TTBK2: variants seen among roughly 807,000 people sequenced by gnomAD.
The protein encoded by TTBK2 is tau-tubulin kinase 2.
In TTBK2, 28 loss-of-function variants were observed where a neutral mutation model predicts 110.8. The ratio of observed to expected loss-of-function variants is 0.25; its 90% CI spans 0.19 to 0.35. TTBK2 has a LOEUF of 0.35. Ranked by LOEUF, TTBK2 falls within the 10% of genes least tolerant of loss-of-function variation. The pLI, the probability that TTBK2 is intolerant of heterozygous loss-of-function variation, is 1.00. For missense variants in TTBK2, 1,369 were observed against 1,500.3 expected, an observed-to-expected ratio of 0.91 and a Z score of 1.45; for synonymous variants, 532 against 527.3, an observed-to-expected ratio of 1.01 and a Z score of -0.12.
rs768218388 is a variant in TTBK2 at position 42,745,800 on chromosome 15, T to G, written c.3730A>C (p.Arg1244=). Residue 1244 remains arginine (R), a synonymous_variant, in exon 15 of 15, where the codon AGA becomes CGA. Coordinates refer to ENST00000267890, the MANE Select transcript of TTBK2 (RefSeq NM_173500.4). ...AAAGAGATGCAGCCTGGCTCCTATC[T>G]GCTGAGTTTACTGGCTGGCTTACTC... ...GKSKPASKLS[R] 5 of 1,614,118 alleles carry G rather than the reference T, an allele frequency of 3.1e-6. No individual in the cohort carries two copies. The South Asian group carries it at 5.5e-5, about 18-fold the overall frequency.
intron 9 of TTBK2, chr15:42,800,206 C>T (rs1331787474): frequency 2.4e-6 from 1 of 409,288 alleles, no homozygotes; most frequent in East Asian, 7.7e-5. Context: ...TTATAATGAC[C>T]ACATATTACT....
chr15:42,811,676 T>A lies in TTBK2; in HGVS notation c.696+12A>T. 1 of 1,611,060 alleles carries A rather than the reference T, an allele frequency of 6.2e-7. No individual in the cohort carries two copies. Among genetic ancestry groups the A allele is most frequent in the Non-Finnish European group, 8.5e-7 (1 of 1,177,596 alleles). ...CTTCTACCACAATTGACATCTCCAT[T>A]CCCAAAATTACCTTGTCCTTTATTT... On this transcript the variant is annotated intron_variant, in intron 8 of 14. Coordinates refer to ENST00000267890, the MANE Select transcript of TTBK2 (RefSeq NM_173500.4).
At chr15:42,887,619 T>G (rs1246314186) in intron 1 of TTBK2, among the ~76,000 whole-genome samples, 1 of 152,174 alleles carries the variant, frequency 6.6e-6, no homozygotes, top group Non-Finnish European at 1.5e-5. Flanking sequence ...GATCTGCGCC[T>G]TATCAACCAA....
intron 6 of TTBK2, among the ~76,000 whole-genome samples, chr15:42,819,300 C>T (rs1892187390): frequency 6.7e-6 from 1 of 150,270 alleles, no homozygotes; most frequent in Non-Finnish European, 1.5e-5. Context: ...AACCCCATCT[C>T]TACTAAAAAT....
intron 3 of TTBK2, among the ~76,000 whole-genome samples, chr15:42,850,924 C>T (rs188701692): frequency 6.6e-6 from 1 of 151,794 alleles, no homozygotes; most frequent in Admixed American, 6.6e-5. Context: ...AGGCTGTAAG[C>T]CTTAAGAAAC....
rs79135609 is a variant in TTBK2 at position 42,756,920 on chromosome 15, T to C, written c.1999-3673A>G. ...AACACCAAAGCAACAACAATAAAAA[T>C]ATATATGAATCACCAGATGGGAGAA... On this transcript the variant is annotated intron_variant, in intron 13 of 14. Transcript: ENST00000267890. Among the ~76,000 whole-genome samples the C allele has an allele frequency of 9.1e-3, 1,374 of 151,654 alleles. 18 individuals are homozygous for C. The highest frequency in any genetic ancestry group is 0.032 in the African/African-American group (1,324 of 41,164).
Position 42,752,846 on chromosome 15 carries a change from A to C in TTBK2, c.2400T>G (p.Ile800Met). Residue 800 changes from isoleucine to methionine, a missense_variant, in exon 14 of 15, where the codon ATT becomes ATG. Transcript: ENST00000267890. ...DEKLSRGQHC[I>M]EISSLPGDLV... ...AATCTCCTGGGAGAGAGGAGATCTCAATACAATGCTGCCCTCTACTTAACT... is the reference window on the plus strand; with the variant it reads ...AATCTCCTGGGAGAGAGGAGATCTCCATACAATGCTGCCCTCTACTTAACT... 2 of 1,614,220 alleles carry C rather than the reference A, an allele frequency of 1.2e-6. No homozygotes were observed. Among genetic ancestry groups the C allele is most frequent in the South Asian group, 2.2e-5 (2 of 91,086 alleles).
chr15:42,762,340 C>T (rs376849261), intron 13 of TTBK2, among the ~76,000 whole-genome samples: 1 of 152,216 alleles, frequency 6.6e-6, no homozygotes, highest in Non-Finnish European at 1.5e-5. Context: ...TATCTGCACA[C>T]TCACGTTTAC....
intron 13 of TTBK2, among the ~76,000 whole-genome samples, chr15:42,755,920 G>A (rs1225723755): frequency 6.6e-6 from 1 of 152,198 alleles, no homozygotes; most frequent in Non-Finnish European, 1.5e-5. Context: ...ATCGGGCCAG[G>A]TGTGGTGGCT....
intron 1 of TTBK2, among the ~76,000 whole-genome samples, chr15:42,918,762 T>C (rs570052734): frequency 1.3e-5 from 2 of 152,326 alleles, no homozygotes; most frequent in African/African-American, 4.8e-5. Flanking sequence ...GTCTAACCTC[T>C]TGAAGATTTC....
intron 13 of TTBK2, among the ~76,000 whole-genome samples, chr15:42,768,750 A>G (rs1409551118): frequency 6.6e-6 from 1 of 151,952 alleles, no homozygotes; most frequent in East Asian, 1.9e-4. Flanking sequence ...ACAGAATTGG[A>G]AAAAAACTAC....
intron 1 of TTBK2, among the ~76,000 whole-genome samples, chr15:42,906,924 C>A (rs1490518426): frequency 2.0e-5 from 3 of 151,730 alleles, no homozygotes; most frequent in Non-Finnish European, 4.4e-5. Flanking sequence ...GTGGCTCATG[C>A]CTATAATCTC....
rs555700347 is a variant in TTBK2, at chr15:42,741,683, T to C, written c.*4112A>G. On this transcript the variant is annotated 3_prime_UTR_variant, in exon 15 of 15. Transcript: ENST00000267890. ...TAACATATGCCATGTTTGATCAATATAAAGAATAAGTTTTTAAAATATAAA... is the reference window on the plus strand; with the variant it reads ...TAACATATGCCATGTTTGATCAATACAAAGAATAAGTTTTTAAAATATAAA... 1 of 152,312 alleles carries C rather than the reference T, an allele frequency of 6.6e-6. No homozygotes were observed. The highest frequency in any genetic ancestry group is 1.5e-5 in the Non-Finnish European group (1 of 68,006). The allele number at this position is 152,312 out of a possible 1,614,324, so 9.4% of individuals were successfully genotyped here.
Position 42,745,100 on chromosome 15 carries a change from G to T in TTBK2, c.*695C>A, listed in dbSNP as rs928031530. 1 of 151,698 alleles carries T rather than the reference G, an allele frequency of 6.6e-6. No individual in the cohort carries two copies. The highest frequency in any genetic ancestry group is 2.5e-5 in the African/African-American group (1 of 40,634). The allele number at this position is 151,698 out of a possible 1,614,324, so 9.4% of individuals were successfully genotyped here. A position where few individuals can be genotyped will look rare whatever the true frequency, so the allele number is the denominator to read the frequency against. On this transcript the variant is annotated 3_prime_UTR_variant, in exon 15 of 15. Transcript: ENST00000267890. Reference sequence around the variant, plus strand: ...AAAATGTAATATGTTAAGAACTCTTGCTCTAAAAAAAAAAAATCAGGGGGA... The same window carrying T: ...AAAATGTAATATGTTAAGAACTCTTTCTCTAAAAAAAAAAAATCAGGGGGA...
At chr15:42,865,809 T>C (rs1894352363) in intron 3 of TTBK2, among the ~76,000 whole-genome samples, 1 of 151,772 alleles carries the variant, frequency 6.6e-6, no homozygotes, top group African/African-American at 2.4e-5. Context: ...GGTGACAGAG[T>C]GAGACTCCAT....
At chr15:42,756,540 C>T (rs1282664275) in intron 13 of TTBK2, among the ~76,000 whole-genome samples, 2 of 152,084 alleles carry the variant, frequency 1.3e-5, no homozygotes, top group Admixed American at 6.5e-5. Context: ...GAGCCAAGAT[C>T]GTGCCACTGC....
chr15:42,812,429 T>C (rs1024050931), intron 7 of TTBK2, among the ~76,000 whole-genome samples: 1 of 152,186 alleles, frequency 6.6e-6, no homozygotes, highest in Non-Finnish European at 1.5e-5. Flanking sequence ...GTTAAATATA[T>C]ACCCATGTGG....
In TTBK2 at chr15:42,741,102, C is replaced by T. The variant is rs1435941512; in HGVS notation, c.*4693G>A. On this transcript the variant is annotated 3_prime_UTR_variant, in exon 15 of 15. Transcript: ENST00000267890. Reference sequence around the variant, plus strand: ...CAATGGATTCTAAAGGTTCCTGAGACTTTGTTAAATTTCTCATAATTCCAG... The same window carrying T: ...CAATGGATTCTAAAGGTTCCTGAGATTTTGTTAAATTTCTCATAATTCCAG... 1 of 152,192 alleles carries T rather than the reference C, an allele frequency of 6.6e-6. No individual in the cohort carries two copies. Among genetic ancestry groups the T allele is most frequent in the Non-Finnish European group, 1.5e-5 (1 of 68,034 alleles). 9.4% of individuals were successfully genotyped at this position (152,192 alleles called of 1,614,324 possible).
chr15:42,824,158 T>C (rs1380885909), intron 6 of TTBK2, among the ~76,000 whole-genome samples: 4 of 152,146 alleles, frequency 2.6e-5, no homozygotes, highest in African/African-American at 9.7e-5. Context: ...TCATGCGTGA[T>C]CCATCCCACG....
Sources: allele counts gnomAD v4.1 joint callset (sites outside exome capture counted in the v4.1 genomes callset), GRCh38; gene constraint gnomAD v4.1.1; transcripts MANE v1.5; gene names NCBI Gene and HGNC (gene_info 2026-07-23, HGNC 2026-07-21).